The following DIP2A variants were observed in gnomAD, a reference collection of about 807,000 sequenced individuals.
DIP2A encodes the protein disco-interacting protein 2 homolog A.
In DIP2A, 85 loss-of-function variants were observed where a neutral mutation model predicts 177.4. The observed-to-expected ratio is 0.48, with a 90% confidence interval of 0.40 to 0.57. The LOEUF is 0.57. DIP2A is among the 20% of genes least tolerant of loss of function. The probability of loss-of-function intolerance (pLI) is 0.00; values close to 1 mark genes in which losing one functional copy is unlikely to be tolerated. For synonymous variants in DIP2A, 886 were observed against 881.8 expected (o/e 1.00, Z -0.08); for missense variants, 1,791 against 2,100.2 (o/e 0.85, Z 2.88).
chr21:46,505,375 G>A (rs1437468339), intron 6 of DIP2A, among the ~76,000 whole-genome samples: 2 of 152,260 alleles, frequency 1.3e-5, no homozygotes, highest in African/African-American at 2.4e-5. Flanking sequence ...TTGGGAGGCT[G>A]AGGCGGGCAG....
chr21:46,560,846 C>G, intron 33 of DIP2A, 63 bp downstream of exon 33: 2 of 1,555,454 alleles, frequency 1.3e-6, no homozygotes, highest in East Asian at 4.8e-5. Context: ...CAAACCAGGT[C>G]TGCACTGACT....
chr21:46,526,398 T>C lies in DIP2A; in HGVS notation c.1103-2694T>C, dbSNP rs78240243. Among the ~76,000 whole-genome samples, 114 of 140,894 alleles carry C rather than the reference T, an allele frequency of 8.1e-4. 1 individual carries two copies. Among genetic ancestry groups the C allele is most frequent in the East Asian group, 1.0e-3 (5 of 4,804 alleles). 92.4% of individuals were successfully genotyped at this position (140,894 alleles called of 152,430 possible). The stretch of plus-strand genomic sequence containing the variant: ...TACTTTCATCAAAAACGTTCATTCC[T>C]TTTTTTTTTTTTTTGAGACAGAGTT... On this transcript the variant is annotated intron_variant, in intron 8 of 37. Coordinates refer to ENST00000417564, the MANE Select transcript of DIP2A (RefSeq NM_015151.4).
chr21:46,466,918 T>C (rs2054881850), intron 1 of DIP2A, among the ~76,000 whole-genome samples: 1 of 151,478 alleles, frequency 6.6e-6, no homozygotes. Flanking sequence ...CTCTTCTTAC[T>C]AAATGTTTTT....
intron 7 of DIP2A, 140 bp downstream of exon 7, chr21:46,509,516 T>C (rs1306711004): frequency 1.0e-5 from 11 of 1,093,220 alleles, no homozygotes; most frequent in Non-Finnish European, 1.2e-5. Context: ...CTGGGTGTAA[T>C]GGTGAATTTA....
At chr21:46,484,526 C>T (rs2148434313) in intron 1 of DIP2A, among the ~76,000 whole-genome samples, 1 of 152,308 alleles carries the variant, frequency 6.6e-6, no homozygotes, top group Middle Eastern at 3.4e-3. Flanking sequence ...TGGCTTCTTT[C>T]ACTCAGCAGC....
At chr21:46,509,804 T>C (rs2058215771) in intron 7 of DIP2A, among the ~76,000 whole-genome samples, 1 of 152,044 alleles carries the variant, frequency 6.6e-6, no homozygotes, top group Admixed American at 6.6e-5. Flanking sequence ...AAGAGAAAAC[T>C]AGCAAGCAGA....
intron 27 of DIP2A, 36 bp from the exon 28 acceptor site, chr21:46,554,786 G>GGGGGGGGGGGCCC: frequency 6.6e-7 from 1 of 1,519,036 alleles, no homozygotes; most frequent in Non-Finnish European, 8.8e-7. Context: ...AGCTTGAGAG[G>GGGGGGGGGGGCCC]CCCCGCCCAC....
chr21:46,528,387 A>T (rs1270316663), intron 8 of DIP2A, among the ~76,000 whole-genome samples: 1 of 152,042 alleles, frequency 6.6e-6, no homozygotes, highest in Admixed American at 6.6e-5. Context: ...ATGCAATATT[A>T]ATTTAAAAAG....
the DIP2A span, among the ~76,000 whole-genome samples, chr21:46,582,789 A>C: frequency 6.6e-6 from 1 of 152,180 alleles, no homozygotes; most frequent in African/African-American, 2.4e-5. Flanking sequence ...TTTAACAACC[A>C]AGTGAATATG....
intron 6 of DIP2A, among the ~76,000 whole-genome samples, chr21:46,505,031 C>A (rs2057900259): frequency 6.6e-6 from 1 of 152,128 alleles, no homozygotes; most frequent in African/African-American, 2.4e-5. Flanking sequence ...TGTCTTTTAT[C>A]AAAATCATGT....
intron 2 of DIP2A, among the ~76,000 whole-genome samples, chr21:46,488,417 C>T (rs974660896): frequency 1.3e-5 from 2 of 152,128 alleles, no homozygotes; most frequent in African/African-American, 4.8e-5. Flanking sequence ...GAGAACATTT[C>T]AGAATGACTG....
intron 28 of DIP2A, 88 bp downstream of exon 28, chr21:46,555,021 C>A: frequency 3.7e-6 from 5 of 1,358,542 alleles, no homozygotes; most frequent in Non-Finnish European, 4.0e-6. Context: ...CAAAAACACA[C>A]GTGAGGCAAG....
At chr21:46,525,200 T>TG (rs2059022372) in intron 8 of DIP2A, among the ~76,000 whole-genome samples, 1 of 151,526 alleles carries the variant, frequency 6.6e-6, no homozygotes, top group Non-Finnish European at 1.5e-5. Flanking sequence ...TTTTTGCTTT[T>TG]ATGTTCTCTT....
intron 2 of DIP2A, among the ~76,000 whole-genome samples, chr21:46,487,953 T>A (rs113139351): frequency 6.6e-5 from 10 of 152,344 alleles, no homozygotes; most frequent in African/African-American, 1.9e-4. Flanking sequence ...AACCTAGGAT[T>A]GGAAGTGACC....
In DIP2A at chr21:46,509,379, A is replaced by C. The variant is rs1569000754; in HGVS notation, c.904+3A>C. 1 of 1,604,244 alleles carries C rather than the reference A, an allele frequency of 6.2e-7. No individual in the cohort carries two copies. Among genetic ancestry groups the C allele is most frequent in the Non-Finnish European group, 8.5e-7 (1 of 1,176,558 alleles). On this transcript the variant is annotated splice_donor_region_variant and intron_variant, in intron 7 of 37. Coordinates refer to ENST00000417564, the MANE Select transcript of DIP2A (RefSeq NM_015151.4). ...TGATTTTGAGGAATTGTTGGAAGGT[A>C]AGAGTTGTCCAACTTTGAGCTTTTC...
intron 1 of DIP2A, among the ~76,000 whole-genome samples, chr21:46,484,037 A>G (rs1913635234): frequency 6.6e-6 from 1 of 152,090 alleles, no homozygotes; most frequent in African/African-American, 2.4e-5. Context: ...TTTCCTTATG[A>G]TAATTTACTG....
chr21:46,467,311 A>AAG (rs2054926789), intron 1 of DIP2A, among the ~76,000 whole-genome samples: 1 of 152,014 alleles, frequency 6.6e-6, no homozygotes, highest in Admixed American at 6.6e-5. Context: ...AAAAAAAAAA[A>AAG]AAATTTAAAT....
At chr21:46,483,016 G>C (rs1355651698) in intron 1 of DIP2A, among the ~76,000 whole-genome samples, 3 of 152,174 alleles carry the variant, frequency 2.0e-5, no homozygotes, top group African/African-American at 7.2e-5. Flanking sequence ...ATGTTGGTGT[G>C]GGTGGTGGCT....
chr21:46,495,150 C>G (rs1035983377), intron 3 of DIP2A, among the ~76,000 whole-genome samples: 6 of 151,658 alleles, frequency 4.0e-5, no homozygotes, highest in Non-Finnish European at 8.8e-5. Flanking sequence ...CCTCCCTTCC[C>G]TCCATCCCTC....
Sources: gnomAD v4.1 joint callset for allele counts (sites outside exome capture counted in the v4.1 genomes callset) on GRCh38, gnomAD v4.1.1 for gene constraint, MANE v1.5 for transcripts, NCBI Gene and HGNC (gene_info 2026-07-23, HGNC 2026-07-21) for gene names.